Variants in RPTOR observed in about 807,000 individuals in gnomAD.
The protein encoded by RPTOR is regulatory-associated protein of mTOR.
Under a neutral mutation model 169.9 loss-of-function variants are expected in RPTOR, and 21 were observed. The observed-to-expected ratio is 0.12, with a 90% CI of 0.09 to 0.18. The LOEUF is 0.18. Ranked by LOEUF, RPTOR falls within the 10% of genes least tolerant of loss-of-function variation. The pLI, the probability that RPTOR is intolerant of heterozygous loss-of-function variation, is 1.00. For missense variants in RPTOR, 1,133 were observed against 1,855.9 expected (o/e 0.61, Z 7.16); for synonymous variants, 732 against 753.2 (o/e 0.97, Z 0.46).
chr17:80,940,974 C>T lies in RPTOR; in HGVS notation c.3025+373C>T, dbSNP rs17848665. Among the ~76,000 whole-genome samples the T allele has an allele frequency of 2.3e-3, 353 of 152,322 alleles. 2 individuals carry two copies. The highest frequency in any genetic ancestry group is 7.3e-3 in the East Asian group (38 of 5,178). Reference sequence around the variant, plus strand: ...GCGGAACTTTGCATGTTGACATTTCCGGAAGGGAAGGCCTCTGAGAGCCCA... The same window carrying T: ...GCGGAACTTTGCATGTTGACATTTCTGGAAGGGAAGGCCTCTGAGAGCCCA... On this transcript the variant is annotated intron_variant, in intron 25 of 33. Coordinates refer to ENST00000306801, the MANE Select transcript of RPTOR (RefSeq NM_020761.3).
chr17:80,932,387 G>A, intron 24 of RPTOR, among the ~76,000 whole-genome samples: 1 of 152,000 alleles, frequency 6.6e-6, no homozygotes, highest in East Asian at 1.9e-4. Flanking sequence ...AAAAATATAA[G>A]ACAAACACGC....
chr17:80,915,275 C>A (rs1435281895), intron 21 of RPTOR, among the ~76,000 whole-genome samples: 13 of 115,150 alleles, frequency 1.1e-4, no homozygotes, highest in African/African-American at 2.0e-4. Context: ...AGAGGAGTTA[C>A]CCACTCCAGG....
intron 3 of RPTOR, among the ~76,000 whole-genome samples, chr17:80,702,859 T>G (rs1351837650): frequency 6.6e-6 from 1 of 152,194 alleles, no homozygotes; most frequent in Non-Finnish European, 1.5e-5. Context: ...CGAATGATTT[T>G]CCTGTGGAGC....
At chr17:80,712,633 G>GTGC (rs1431985762) in intron 4 of RPTOR, among the ~76,000 whole-genome samples, 1 of 152,204 alleles carries the variant, frequency 6.6e-6, no homozygotes, top group Non-Finnish European at 1.5e-5. Flanking sequence ...TTATTAACGT[G>GTGC]TGCAAATTTT....
intron 20 of RPTOR, among the ~76,000 whole-genome samples, chr17:80,897,913 CA>C (rs909452649): frequency 5.3e-5 from 8 of 152,124 alleles, no homozygotes; most frequent in African/African-American, 1.7e-4. Context: ...CAAAACAAAA[CA>C]AAACAAAACT....
At chr17:80,809,283 C>G (rs1222680955) in intron 7 of RPTOR, among the ~76,000 whole-genome samples, 1 of 152,196 alleles carries the variant, frequency 6.6e-6, no homozygotes, top group African/African-American at 2.4e-5. Flanking sequence ...CCTCCGCCTC[C>G]CGGGTTCCTG....
At position 80,833,375 on chromosome 17, in the gene RPTOR, G is replaced by A. The variant is rs9902081; in HGVS notation, c.1137-4547G>A. Among the ~76,000 whole-genome samples, 830 of 152,344 alleles carry A rather than the reference G, an allele frequency of 5.4e-3. 13 individuals are homozygous for A. Among genetic ancestry groups the A allele is most frequent in the African/African-American group, 0.019 (792 of 41,588 alleles). The stretch of plus-strand genomic sequence containing the variant: ...AGCTAATCACAGCCTCCTCCCCTCA[G>A]ATCTGCACTCCAGCACTCCAGCCCT... On this transcript the variant is annotated intron_variant, in intron 9 of 33. Transcript: ENST00000306801.
At position 80,683,679 on chromosome 17, in the gene RPTOR, C is replaced by G. The variant is rs567004789; in HGVS notation, c.349-24162C>G. On this transcript the variant is annotated intron_variant, in intron 3 of 33. Transcript: ENST00000306801. ...TTCTAAAATAAATTCTTATTTTATC[C>G]CATCAATCATCTGCTACTGTCATTG... 1.5e-4 allele frequency among the ~76,000 whole-genome samples: 23 copies of G among 152,204 alleles called. No individual in the cohort carries two copies. In the South Asian group the frequency reaches 4.6e-3, roughly 30 times the overall value.
chr17:80,940,507 G>A lies in RPTOR; in HGVS notation c.2931G>A (p.Glu977=), dbSNP rs750946357. 3.7e-6 allele frequency: 6 copies of A among 1,613,574 alleles called. No individual in the cohort carries two copies. In the African/African-American group the frequency reaches 8.0e-5, roughly 22 times the overall value. Residue 977 remains glutamate, a synonymous_variant, in exon 25 of 34, where the codon GAG becomes GAA. Transcript: ENST00000306801. The stretch of plus-strand genomic sequence containing the variant: ...TTCTGTTGTTGAAGATCCCAGAAGA[G>A]CACGACCTGGAGAGTCAGATCCGCA... ...FAQPVMKIPE[E]HDLESQIRKE...
rs951938596 is a variant in RPTOR at position 80,831,202 on chromosome 17, G to A, written c.1137-6720G>A. On this transcript the variant is annotated intron_variant, in intron 9 of 33. Coordinates refer to ENST00000306801, the MANE Select transcript of RPTOR (RefSeq NM_020761.3). ...GAGGTTTGGCTTGCACTAGCTCCAC[G>A]TCCTTCCCGGGTTTCAGAAAGGCAT... is the stretch of plus-strand genomic sequence containing the variant. Among the ~76,000 whole-genome samples the A allele has an allele frequency of 5.3e-5, 8 of 152,282 alleles. No individual in the cohort carries two copies. The East Asian group carries it at 5.8e-4, about 11-fold the overall frequency.
chr17:80,609,629 C>T lies in RPTOR; in HGVS notation c.163-16062C>T, dbSNP rs934182375. ...GCATGATGGCGCACGCCTGTAATTC[C>T]GGCTACTCAGGAGGCTGAGGCATGA... On this transcript the variant is annotated intron_variant, in intron 1 of 33. Coordinates refer to ENST00000306801, the MANE Select transcript of RPTOR (RefSeq NM_020761.3). The surrounding 1 kb of genome is among the most constrained non-coding windows in gnomAD (Gnocchi z 4.8). Among the ~76,000 whole-genome samples, 22 of 152,074 alleles carry T rather than the reference C, an allele frequency of 1.4e-4. No individual in the cohort carries two copies. The highest frequency in any genetic ancestry group is 5.8e-4 in the East Asian group (3 of 5,192).
intron 21 of RPTOR, among the ~76,000 whole-genome samples, chr17:80,921,288 C>T (rs539883620): frequency 4.6e-5 from 7 of 152,362 alleles, no homozygotes; most frequent in East Asian, 1.9e-4. Flanking sequence ...CTTGTGCCTG[C>T]GGGATCAGTG....
intron 3 of RPTOR, among the ~76,000 whole-genome samples, chr17:80,670,140 G>A (rs899733379): frequency 1.3e-5 from 2 of 152,200 alleles, no homozygotes; most frequent in Non-Finnish European, 2.9e-5. Flanking sequence ...ACTGCAGACC[G>A]GACTCCGGGT....
intron 1 of RPTOR, among the ~76,000 whole-genome samples, chr17:80,580,233 G>A (rs1456237372): frequency 1.3e-5 from 2 of 152,152 alleles, no homozygotes; most frequent in Non-Finnish European, 2.9e-5. Flanking sequence ...ATGAGACAGT[G>A]TATAAATCTT....
At chr17:80,611,175 G>A (rs1368370735) in intron 1 of RPTOR, among the ~76,000 whole-genome samples, 2 of 152,092 alleles carry the variant, frequency 1.3e-5, no homozygotes, top group Non-Finnish European at 2.9e-5. Context: ...TTGACACAAG[G>A]CTTGTTTGCA....
At chr17:80,779,888 G>A (rs929990204) in intron 6 of RPTOR, among the ~76,000 whole-genome samples, 2 of 152,158 alleles carry the variant, frequency 1.3e-5, no homozygotes, top group Non-Finnish European at 2.9e-5. Flanking sequence ...TGCCAGGAGT[G>A]AGCTCCGTTC....
intron 5 of RPTOR, among the ~76,000 whole-genome samples, chr17:80,731,274 C>G (rs917605668): frequency 1.3e-5 from 2 of 152,010 alleles, no homozygotes; most frequent in Non-Finnish European, 2.9e-5. Context: ...CGATTTGTGC[C>G]CCAGCAGTCT....
intron 7 of RPTOR, chr17:80,802,201 A>C (rs60087410): frequency 0.22 from 33,779 of 152,150 alleles, 4,150 homozygotes; most frequent in African/African-American, 0.32. Context: ...AAACCCTGGT[A>C]TTTGTCATCA....
intron 1 of RPTOR, among the ~76,000 whole-genome samples, chr17:80,597,562 C>T (rs1311782702): frequency 6.6e-6 from 1 of 152,124 alleles, no homozygotes; most frequent in African/African-American, 2.4e-5. Context: ...CAGGGTCTTA[C>T]CCTGTTGCCC....
Sources: allele counts gnomAD v4.1 joint callset (sites outside exome capture counted in the v4.1 genomes callset), GRCh38; gene constraint gnomAD v4.1.1; non-coding constraint Gnocchi (gnomAD v3.1); transcripts MANE v1.5; gene names NCBI Gene and HGNC (gene_info 2026-07-23, HGNC 2026-07-21).